The following TBX5 variants were observed in gnomAD, a reference collection of about 807,000 sequenced individuals.
TBX5 encodes T-box transcription factor TBX5.
A neutral mutation model predicts 51.1 loss-of-function variants in TBX5; 8 were observed. The ratio of observed to expected loss-of-function variants is 0.16; its 90% confidence interval spans 0.09 to 0.28. The LOEUF (loss-of-function observed/expected upper bound fraction) is 0.28. Ranked by LOEUF, TBX5 falls within the 10% of genes least tolerant of loss-of-function variation. TBX5 has a pLI of 1.00. For missense variants in TBX5, 589 were observed against 671.7 expected (o/e 0.88, Z 1.36); for synonymous variants, 302 against 266.4 (o/e 1.13, Z -1.30).
At position 114,354,023 on chromosome 12, in the gene TBX5, TAA is replaced by T. The variant is rs946579484; in HGVS notation, c.*1507_*1508del. 1.3e-5 allele frequency: 2 copies of T among 152,498 alleles called. No individual in the cohort carries two copies. The highest frequency in any genetic ancestry group is 4.8e-5 in the African/African-American group (2 of 41,366). The allele number at this position is 152,498 out of a possible 1,614,324, so 9.4% of individuals were successfully genotyped here. A position where few individuals can be genotyped will look rare whatever the true frequency, so the allele number is the denominator to read the frequency against. ...TCCTCACCCTCCCCCCTTAGCAACG[TAA>T]AGAGACATAATCGCATAGGGACACT... On this transcript the variant is annotated 3_prime_UTR_variant, in exon 9 of 9. Transcript: ENST00000405440.
chr12:114,391,880 T>C (rs1450274494), intron 6 of TBX5, among the ~76,000 whole-genome samples: 1 of 152,080 alleles, frequency 6.6e-6, no homozygotes, highest in African/African-American at 2.4e-5. Flanking sequence ...TTGGATTTGC[T>C]CCTGAAAAAG....
At chr12:114,396,048 G>A (rs1473435609) in intron 5 of TBX5, among the ~76,000 whole-genome samples, 1 of 152,156 alleles carries the variant, frequency 6.6e-6, no homozygotes, top group Admixed American at 6.5e-5. Context: ...TTGTCTCTGT[G>A]ACTTTGATTA....
intron 7 of TBX5, among the ~76,000 whole-genome samples, chr12:114,384,517 C>A (rs1870688258): frequency 6.6e-6 from 1 of 152,156 alleles, no homozygotes; most frequent in African/African-American, 2.4e-5. Flanking sequence ...GCATGTATTT[C>A]TAAACCTAAT....
At position 114,403,814 on chromosome 12, in the gene TBX5, C is replaced by T. The variant is rs1224983589; in HGVS notation, c.85G>A (p.Glu29Lys). 5.0e-6 allele frequency: 8 copies of T among 1,614,052 alleles called. No homozygotes were observed. Among genetic ancestry groups the T allele is most frequent in the South Asian group, 1.1e-5 (1 of 91,076 alleles). The stretch of plus-strand genomic sequence containing the variant: ...TTGCTGGGGGCCCCGAGCGCGCTCT[C>T]GGGTTTCGAATCGCAGGGCAGGTCT... The part of the protein sequence containing the change: ...AKDLPCDSKP[E>K]SALGAPSKSP... The change falls in exon 2 of 9, where the codon GAG (glutamate) becomes AAG (lysine). Residue 29 changes from glutamate (E) to lysine (K), a missense_variant. By Grantham distance (56) the Glu-to-Lys change is moderately conservative. Transcript: ENST00000405440.
At chr12:114,375,706 G>A (rs148260948) in intron 7 of TBX5, among the ~76,000 whole-genome samples, 156 of 152,142 alleles carry the variant, frequency 1.0e-3, no homozygotes, top group East Asian at 4.6e-3. Flanking sequence ...AAGTTGGTGC[G>A]GCCACCATGG....
At chr12:114,401,752 C>T in intron 3 of TBX5, 74 bp downstream of exon 3, 1 of 1,439,744 alleles carries the variant, frequency 6.9e-7, no homozygotes, top group Non-Finnish European at 9.8e-7. Flanking sequence ...TTCTTCTCTT[C>T]CAAGCCACCT....
rs1371023902 is a variant in TBX5, at chr12:114,371,726, C to T, written c.756-5335G>A. On this transcript the variant is annotated intron_variant, in intron 7 of 8. Coordinates refer to ENST00000405440, the MANE Select transcript of TBX5 (RefSeq NM_181486.4). ...TGGAGCAAATTCCTCTTCTCGATAG[C>T]ATTTTAATCTGTGATTAAAATTAAA... 2.6e-5 allele frequency among the ~76,000 whole-genome samples: 4 copies of T among 151,672 alleles called. No individual in the cohort carries two copies. The East Asian group carries it at 5.8e-4, about 22-fold the overall frequency.
At chr12:114,362,603 C>T (rs1414620054) in intron 8 of TBX5, among the ~76,000 whole-genome samples, 1 of 152,204 alleles carries the variant, frequency 6.6e-6, no homozygotes, top group Non-Finnish European at 1.5e-5. Flanking sequence ...GACTGACACT[C>T]CAGTTTGATA....
In TBX5 at chr12:114,355,485, C is replaced by A; in HGVS notation, c.*47G>T. 1 of 1,603,884 alleles carries A rather than the reference C, an allele frequency of 6.2e-7. No homozygotes were observed. Among genetic ancestry groups the A allele is most frequent in the South Asian group, 1.1e-5 (1 of 89,682 alleles). ...CTCTCCTTCTCTCTCTTTCTCCTCT[C>A]TCTCTCTCTTTCTCTAGGAAATGTC... On this transcript the variant is annotated 3_prime_UTR_variant, in exon 9 of 9. Coordinates refer to ENST00000405440, the MANE Select transcript of TBX5 (RefSeq NM_181486.4).
intron 5 of TBX5, 59 bp from the exon 6 acceptor site, chr12:114,394,952 T>G: frequency 6.4e-7 from 1 of 1,564,604 alleles, no homozygotes; most frequent in Non-Finnish European, 8.8e-7. Flanking sequence ...TGTCTCCAGA[T>G]AAAACCCTGC....
chr12:114,379,255 A>G (rs112099077), intron 7 of TBX5, among the ~76,000 whole-genome samples: 54 of 152,194 alleles, frequency 3.5e-4, no homozygotes, highest in African/African-American at 1.2e-3. Flanking sequence ...TTCCCCTTGC[A>G]CACAACGGCG....
chr12:114,395,984 G>C (rs951639473), intron 5 of TBX5, among the ~76,000 whole-genome samples: 6 of 152,104 alleles, frequency 3.9e-5, no homozygotes, highest in Admixed American at 2.0e-4. Flanking sequence ...CTTGCGAATC[G>C]CCGCGTTTAA....
At chr12:114,384,259 A>G (rs912325390) in intron 7 of TBX5, among the ~76,000 whole-genome samples, 8 of 125,602 alleles carry the variant, frequency 6.4e-5, no homozygotes, top group African/African-American at 2.4e-4. Context: ...GTTTGGAAAC[A>G]GGGTCATTCT....
intron 8 of TBX5, among the ~76,000 whole-genome samples, chr12:114,356,784 T>C (rs1383418689): frequency 6.6e-6 from 1 of 152,178 alleles, no homozygotes; most frequent in Non-Finnish European, 1.5e-5. Context: ...ACACATTTAA[T>C]CACAACAACC....
At chr12:114,382,048 C>G (rs1387249820) in intron 7 of TBX5, among the ~76,000 whole-genome samples, 1 of 152,222 alleles carries the variant, frequency 6.6e-6, no homozygotes. Flanking sequence ...AATACCTTGA[C>G]AGATGGTTAG....
rs1430803543 is a variant in TBX5, at chr12:114,385,442, G to C, written c.755+34C>G. 3 of 1,593,864 alleles carry C rather than the reference G, an allele frequency of 1.9e-6. No individual in the cohort carries two copies. In the East Asian group the frequency reaches 6.7e-5, roughly 36 times the overall value. On this transcript the variant is annotated intron_variant, in intron 7 of 8. Coordinates refer to ENST00000405440, the MANE Select transcript of TBX5 (RefSeq NM_181486.4). The stretch of plus-strand genomic sequence containing the variant: ...TACCTGGGTAATTTGAGGGGTATGT[G>C]GGGAGGAGAAAGTTGAGGAATCCAC...
intron 2 of TBX5, among the ~76,000 whole-genome samples, chr12:114,403,081 G>A (rs1476251359): frequency 6.6e-6 from 1 of 152,246 alleles, no homozygotes; most frequent in Non-Finnish European, 1.5e-5. Flanking sequence ...CTGGGTTTTG[G>A]GCGCAGAGCG....
intron 7 of TBX5, among the ~76,000 whole-genome samples, chr12:114,379,087 G>A (rs1409611333): frequency 6.6e-6 from 1 of 152,212 alleles, no homozygotes; most frequent in Non-Finnish European, 1.5e-5. Context: ...GTGGGTCACA[G>A]GAGTGTGCCA....
At chr12:114,376,501 G>A (rs1870197157) in intron 7 of TBX5, among the ~76,000 whole-genome samples, 1 of 152,090 alleles carries the variant, frequency 6.6e-6, no homozygotes, top group Non-Finnish European at 1.5e-5. Flanking sequence ...GAAGGGCAAT[G>A]GGGAGATATA....
Sources: gnomAD v4.1 joint callset for allele counts (sites outside exome capture counted in the v4.1 genomes callset) on GRCh38, gnomAD v4.1.1 for gene constraint, MANE v1.5 for transcripts, NCBI Gene and HGNC (gene_info 2026-07-23, HGNC 2026-07-21) for gene names.